The following ASPRV1 variants were observed in gnomAD, a reference collection of about 807,000 sequenced individuals.
The protein encoded by ASPRV1 is aspartic peptidase retroviral like 1, also known as retroviral-like aspartic protease 1.
In ASPRV1, 7 loss-of-function variants were observed where a neutral mutation model predicts 11.0. The observed-to-expected ratio is 0.64, with a 90% CI of 0.36 to 1.20. The LOEUF is 1.20. Ranked by LOEUF, ASPRV1 falls within the 50% of genes most tolerant of loss-of-function variation. The pLI is 0.02. For synonymous variants in ASPRV1, 136 were observed against 138.4 expected, an observed-to-expected ratio of 0.98 and a Z score of 0.12; for missense variants, 299 against 320.0, an observed-to-expected ratio of 0.93 and a Z score of 0.50.
the ASPRV1 span, among the ~76,000 whole-genome samples, chr2:69,977,393 GT>G: frequency 6.6e-6 from 1 of 152,172 alleles, no homozygotes; most frequent in Non-Finnish European, 1.5e-5. Context: ...TTCCGTCATT[GT>G]TTTGCAGGTG....
chr2:70,079,454 C>G, the ASPRV1 span, among the ~76,000 whole-genome samples: 1 of 152,066 alleles, frequency 6.6e-6, no homozygotes, highest in East Asian at 1.9e-4. Context: ...GCCTGGACAA[C>G]AGAGTGAGAA....
the ASPRV1 span, among the ~76,000 whole-genome samples, chr2:70,058,391 C>T: frequency 1.3e-4 from 20 of 149,214 alleles, no homozygotes; most frequent in East Asian, 2.0e-4. Flanking sequence ...TACAGGCACG[C>T]GCCACTGCAC....
chr2:69,999,645 G>T, the ASPRV1 span, among the ~76,000 whole-genome samples: 1 of 114,242 alleles, frequency 8.8e-6, no homozygotes. Flanking sequence ...GACAGAGCAA[G>T]ACTCTGTCTC....
the ASPRV1 span, among the ~76,000 whole-genome samples, chr2:70,024,373 G>A: frequency 6.6e-6 from 1 of 152,188 alleles, no homozygotes; most frequent in Non-Finnish European, 1.5e-5. Flanking sequence ...GCAGTCTTCT[G>A]TGACAAAAGA....
At chr2:70,001,048 T>C in the ASPRV1 span, among the ~76,000 whole-genome samples, 2 of 152,088 alleles carry the variant, frequency 1.3e-5, no homozygotes, top group African/African-American at 2.4e-5. Flanking sequence ...GGCACTCTCA[T>C]AGGATTGGTG....
At chr2:69,988,886 T>G in the ASPRV1 span, 44 of 448,454 alleles carry the variant, frequency 9.8e-5, no homozygotes, top group South Asian at 6.8e-4. Context: ...ACACACAGGT[T>G]CCCCTCAATC....
chr2:69,956,808 G>A (rs763542271), downstream of ASPRV1, among the ~76,000 whole-genome samples: 2 of 152,112 alleles, frequency 1.3e-5, no homozygotes, highest in Admixed American at 6.6e-5. Flanking sequence ...CTCCTGATAC[G>A]ATGTACTGAG....
At chr2:70,072,652 G>A in the ASPRV1 span, among the ~76,000 whole-genome samples, 2 of 151,920 alleles carry the variant, frequency 1.3e-5, no homozygotes, top group South Asian at 2.1e-4. Context: ...AACTCAGGAG[G>A]CAGAGGTTGC....
the ASPRV1 span, among the ~76,000 whole-genome samples, chr2:70,010,364 G>A: frequency 6.6e-6 from 1 of 152,284 alleles, no homozygotes; most frequent in East Asian, 1.9e-4. Context: ...CTGACGTGGG[G>A]TGATTCACAG....
the ASPRV1 span, among the ~76,000 whole-genome samples, chr2:70,074,265 G>C: frequency 6.7e-6 from 1 of 149,154 alleles, no homozygotes; most frequent in African/African-American, 2.5e-5. Context: ...AGAGTTCAAA[G>C]AGACTTCAGA....
the ASPRV1 span, among the ~76,000 whole-genome samples, chr2:69,992,418 G>C: frequency 1.3e-5 from 2 of 152,142 alleles, no homozygotes; most frequent in Non-Finnish European, 2.9e-5. Context: ...TCACAGCCAA[G>C]GCATCAGGCA....
chr2:70,020,778 A>G, the ASPRV1 span, among the ~76,000 whole-genome samples: 7 of 152,208 alleles, frequency 4.6e-5, no homozygotes, highest in Non-Finnish European at 7.4e-5. Flanking sequence ...GAGATGTGCT[A>G]TATGATTCCA....
the ASPRV1 span, among the ~76,000 whole-genome samples, chr2:69,953,706 C>T: frequency 3.8e-4 from 58 of 151,102 alleles, no homozygotes; most frequent in African/African-American, 1.2e-3. Context: ...CTTTTTTTTT[C>T]TTTTTTTTCT....
upstream of ASPRV1, among the ~76,000 whole-genome samples, chr2:69,965,085 T>A (rs1678290550): frequency 6.6e-6 from 1 of 152,220 alleles, no homozygotes; most frequent in South Asian, 2.1e-4. Flanking sequence ...TCTCACTCTG[T>A]CGCCCAGGCT....
At chr2:70,087,323 C>G in the ASPRV1 span, 2 of 152,038 alleles carry the variant, frequency 1.3e-5, no homozygotes, top group Non-Finnish European at 2.9e-5. Context: ...ACTGCAGTGT[C>G]AGAAGGTTTT....
At chr2:69,976,136 T>A in the ASPRV1 span, 11 of 152,270 alleles carry the variant, frequency 7.2e-5, no homozygotes, top group African/African-American at 2.7e-4. Context: ...GCCTTGTCCC[T>A]CCCAGGTGCA....
chr2:69,950,097 T>C, the ASPRV1 span, among the ~76,000 whole-genome samples: 2 of 152,216 alleles, frequency 1.3e-5, no homozygotes, highest in African/African-American at 4.8e-5. Context: ...ATTACAGGCA[T>C]GAGCCACTAC....
the ASPRV1 span, among the ~76,000 whole-genome samples, chr2:70,062,866 CATTACA>C: frequency 6.6e-6 from 1 of 152,154 alleles, no homozygotes; most frequent in Non-Finnish European, 1.5e-5. Flanking sequence ...GAAGGCAGGA[CATTACA>C]GCCATGGGAC....
chr2:69,949,640 T>G, the ASPRV1 span, among the ~76,000 whole-genome samples: 35,825 of 152,180 alleles, frequency 0.24, 6,210 homozygotes, highest in African/African-American at 0.42. Context: ...AAATTAGAAT[T>G]TTAATGCAGC....
Sources: gnomAD v4.1 joint callset for allele counts (sites outside exome capture counted in the v4.1 genomes callset) on GRCh38, gnomAD v4.1.1 for gene constraint, MANE v1.5 for transcripts, NCBI Gene and HGNC (gene_info 2026-07-23, HGNC 2026-07-21) for gene names.